PCDHA11: variants seen among roughly 807,000 people sequenced by gnomAD.
PCDHA11 encodes protocadherin alpha 11, also known as protocadherin alpha-11.
Under a neutral mutation model 70.3 loss-of-function variants are expected in PCDHA11, and 61 were observed. That is an observed-to-expected ratio of 0.87 (90% CI 0.71 to 1.07). The LOEUF is 1.07. Among genes scored for constraint, PCDHA11 ranks in the 50% least tolerant of loss-of-function variants. PCDHA11 has a pLI of 0.00. For missense variants in PCDHA11, 1,324 were observed against 1,237.5 expected, an observed-to-expected ratio of 1.07 and a Z score of -1.05; for synonymous variants, 633 against 555.1, an observed-to-expected ratio of 1.14 and a Z score of -1.97.
intron 1 of PCDHA11, among the ~76,000 whole-genome samples, chr5:140,907,751 A>T (rs1443394789): frequency 1.3e-5 from 2 of 152,134 alleles, no homozygotes; most frequent in African/African-American, 4.8e-5. Context: ...CACTTTGTTC[A>T]TGGGCCCATT....
chr5:140,922,883 T>G (rs963654982), intron 1 of PCDHA11, among the ~76,000 whole-genome samples: 2 of 152,134 alleles, frequency 1.3e-5, no homozygotes, highest in African/African-American at 2.4e-5. Flanking sequence ...TCCAAAGACA[T>G]CATTCAAGAA....
intron 1 of PCDHA11, among the ~76,000 whole-genome samples, chr5:140,960,351 T>C (rs1268803425): frequency 3.3e-5 from 5 of 152,192 alleles, no homozygotes; most frequent in African/African-American, 7.2e-5. Flanking sequence ...AGATATGTAC[T>C]GAAATAATAT....
intron 1 of PCDHA11, among the ~76,000 whole-genome samples, chr5:140,898,007 A>G (rs1477147548): frequency 2.3e-4 from 35 of 152,100 alleles, no homozygotes; most frequent in African/African-American, 8.5e-4. Context: ...GTGTCTGTTC[A>G]TATCCTTTGC....
intron 1 of PCDHA11, chr5:140,926,320 C>G (rs555057115): frequency 2.5e-3 from 377 of 152,358 alleles, no homozygotes; most frequent in Non-Finnish European, 3.8e-3. Flanking sequence ...AGAGGTGCGC[C>G]GGGGTCAGAG....
intron 1 of PCDHA11, chr5:140,927,988 G>A (rs782075633): frequency 6.2e-6 from 10 of 1,614,200 alleles, no homozygotes; most frequent in South Asian, 1.1e-5. Flanking sequence ...TAGTGTAAAG[G>A]ATGAAGACCT....
chr5:140,935,995 C>T (rs1282709145), intron 1 of PCDHA11, among the ~76,000 whole-genome samples: 7 of 150,888 alleles, frequency 4.6e-5, no homozygotes, highest in South Asian at 2.1e-4. Context: ...CGGGTTCAAG[C>T]GATTCTCCCA....
chr5:140,907,158 T>C (rs1482177408), intron 1 of PCDHA11, among the ~76,000 whole-genome samples: 1 of 152,146 alleles, frequency 6.6e-6, no homozygotes, highest in Non-Finnish European at 1.5e-5. Flanking sequence ...AACAGTACCA[T>C]ATATTGGATG....
At chr5:140,988,501 A>G (rs966150033) in intron 3 of PCDHA11, among the ~76,000 whole-genome samples, 3 of 152,164 alleles carry the variant, frequency 2.0e-5, no homozygotes, top group Non-Finnish European at 2.9e-5. Context: ...AGGAGAAGCC[A>G]TGAAGCTTAC....
intron 1 of PCDHA11, among the ~76,000 whole-genome samples, chr5:140,940,287 C>T (rs190568424): frequency 6.6e-6 from 1 of 152,272 alleles, no homozygotes; most frequent in East Asian, 1.9e-4. Context: ...CATTGTGCTG[C>T]TTCATCAGTA....
chr5:140,917,585 T>C (rs1204000344), intron 1 of PCDHA11, among the ~76,000 whole-genome samples: 1 of 152,244 alleles, frequency 6.6e-6, no homozygotes, highest in Non-Finnish European at 1.5e-5. Context: ...TTTTTGTTCA[T>C]GCTGAAAGGA....
chr5:140,883,860 T>C, intron 1 of PCDHA11: 2 of 1,613,044 alleles, frequency 1.2e-6, no homozygotes, highest in Non-Finnish European at 1.7e-6. Flanking sequence ...CTGGAGCTGT[T>C]GCAGTTCCAG....
At position 140,877,451 on chromosome 5, in the gene PCDHA11, C is replaced by T. The variant is rs782361627; in HGVS notation, c.2391+5957C>T. ...AAGGACCACGGTGAGCCCGCGCTGA[C>T]GTCCACGGCCACGGTGCTGGTGTCG... On this transcript the variant is annotated intron_variant, in intron 1 of 3. Coordinates refer to ENST00000398640, the MANE Select transcript of PCDHA11 (RefSeq NM_018902.5). The T allele has an allele frequency of 3.5e-5, 57 of 1,613,672 alleles. No individual in the cohort carries two copies. The East Asian group carries it at 1.2e-3, about 35-fold the overall frequency.
In PCDHA11 at chr5:140,883,501, C is replaced by A. The variant is rs570168326; in HGVS notation, c.2391+12007C>A. On this transcript the variant is annotated intron_variant, in intron 1 of 3. Transcript: ENST00000398640. ...ACTACTACTCATTAGTGCTGGACAGCGCCCTGGACCGCGAGAGCGTATCAG... is the reference window on the plus strand; with the variant it reads ...ACTACTACTCATTAGTGCTGGACAGAGCCCTGGACCGCGAGAGCGTATCAG... 3.7e-6 allele frequency: 6 copies of A among 1,614,194 alleles called. No homozygotes were observed. In the Admixed American group the frequency reaches 8.3e-5, roughly 22 times the overall value.
At chr5:140,940,667 T>A (rs1167360120) in intron 1 of PCDHA11, among the ~76,000 whole-genome samples, 5 of 152,224 alleles carry the variant, frequency 3.3e-5, no homozygotes, top group African/African-American at 1.2e-4. Context: ...TAAATCTTCA[T>A]CTGATAATTC....
At chr5:140,939,841 T>C (rs1269688667) in intron 1 of PCDHA11, among the ~76,000 whole-genome samples, 5 of 152,344 alleles carry the variant, frequency 3.3e-5, no homozygotes, top group Middle Eastern at 3.4e-3. Context: ...TGCTTGTTGT[T>C]GTGTTCTGTA....
chr5:140,959,370 T>C (rs1212787453), intron 1 of PCDHA11, among the ~76,000 whole-genome samples: 1 of 151,796 alleles, frequency 6.6e-6, no homozygotes, highest in African/African-American at 2.4e-5. Flanking sequence ...TGAGACCCTG[T>C]CTCAAAAAAA....
intron 1 of PCDHA11, chr5:140,877,670 C>T: frequency 6.8e-6 from 11 of 1,613,654 alleles, no homozygotes; most frequent in Non-Finnish European, 7.6e-6. Flanking sequence ...AGCCGGTGCG[C>T]GCCGGGCAAG....
intron 3 of PCDHA11, among the ~76,000 whole-genome samples, chr5:140,997,397 A>G (rs782082443): frequency 4.6e-5 from 7 of 152,194 alleles, no homozygotes; most frequent in African/African-American, 7.2e-5. Flanking sequence ...CTTAGGCTCT[A>G]TCGTATGGCC....
intron 1 of PCDHA11, among the ~76,000 whole-genome samples, chr5:140,938,620 C>G (rs571731816): frequency 1.3e-5 from 2 of 152,172 alleles, no homozygotes; most frequent in African/African-American, 4.8e-5. Context: ...GGAATAAACT[C>G]AGGTTGCTTA....
Sources: gnomAD v4.1 joint callset for allele counts (sites outside exome capture counted in the v4.1 genomes callset) on GRCh38, gnomAD v4.1.1 for gene constraint, MANE v1.5 for transcripts, NCBI Gene and HGNC (gene_info 2026-07-23, HGNC 2026-07-21) for gene names.